CCDC171: variants seen among roughly 807,000 people sequenced by gnomAD.
The protein encoded by CCDC171 is coiled-coil domain containing 171.
Under a neutral mutation model 168.2 loss-of-function variants are expected in CCDC171, and 177 were observed. The observed-to-expected ratio is 1.05, with a 90% CI of 0.93 to 1.19. The LOEUF (loss-of-function observed/expected upper bound fraction) is 1.19. Ranked by LOEUF, CCDC171 falls within the 50% of genes most tolerant of loss-of-function variation. The pLI, the probability that CCDC171 is intolerant of heterozygous loss-of-function variation, is 0.00. For synonymous variants in CCDC171, 687 were observed against 540.8 expected, an observed-to-expected ratio of 1.27 and a Z score of -3.75; for missense variants, 1,991 against 1,539.0, an observed-to-expected ratio of 1.29 and a Z score of -4.91.
At chr9:15,991,974 A>G (rs1481237898) in intron 3 of CCDC171, among the ~76,000 whole-genome samples, 2 of 152,210 alleles carry the variant, frequency 1.3e-5, no homozygotes, top group Non-Finnish European at 2.9e-5. Context: ...GATCAGGTGG[A>G]TTCACATCCA....
the CCDC171 span, among the ~76,000 whole-genome samples, chr9:16,107,411 C>A: frequency 6.6e-6 from 1 of 152,068 alleles, no homozygotes; most frequent in Non-Finnish European, 1.5e-5. Flanking sequence ...TTCTTTTATC[C>A]CCAAGAACAA....
chr9:15,867,443 A>G (rs139051058), intron 23 of CCDC171, among the ~76,000 whole-genome samples: 1,879 of 152,104 alleles, frequency 0.012, 40 homozygotes, highest in African/African-American at 0.041. Context: ...TGGCTTGTCA[A>G]TGACTCTCTA....
rs145619110 is a variant in CCDC171, at chr9:15,804,409, A to G, written c.3267+19715A>G. On this transcript the variant is annotated intron_variant, in intron 21 of 25. Coordinates refer to ENST00000380701, the MANE Select transcript of CCDC171 (RefSeq NM_173550.4). ...TCATTATTTGAGGTATGTTCCTTCA[A>G]TACCTAGTTTATTGATCTTTAACAT... is the stretch of plus-strand genomic sequence containing the variant. Among the ~76,000 whole-genome samples, 5 of 150,820 alleles carry G rather than the reference A, an allele frequency of 3.3e-5. No individual in the cohort carries two copies. In the South Asian group the frequency reaches 6.3e-4, roughly 19 times the overall value.
intron 23 of CCDC171, among the ~76,000 whole-genome samples, chr9:15,858,897 G>T (rs1275710234): frequency 6.6e-6 from 1 of 151,928 alleles, no homozygotes; most frequent in African/African-American, 2.4e-5. Context: ...GCCAAATCAC[G>T]CTTGCTAGGA....
chr9:15,692,596 C>G (rs1281554082), intron 10 of CCDC171, among the ~76,000 whole-genome samples: 2 of 149,508 alleles, frequency 1.3e-5, no homozygotes, highest in Non-Finnish European at 3.0e-5. Context: ...GGCGCGATGT[C>G]GGCTCACTGC....
intron 25 of CCDC171, among the ~76,000 whole-genome samples, chr9:15,944,134 T>G (rs1204826154): frequency 6.6e-6 from 1 of 152,052 alleles, no homozygotes; most frequent in Non-Finnish European, 1.5e-5. Flanking sequence ...CAGGTTTTTT[T>G]GTGATAAACG....
At chr9:16,012,303 A>G (rs1416654228) in intron 3 of CCDC171, among the ~76,000 whole-genome samples, 1 of 152,176 alleles carries the variant, frequency 6.6e-6, no homozygotes, top group African/African-American at 2.4e-5. Flanking sequence ...GAAGTTGTGT[A>G]GGGATCTATC....
chr9:15,958,668 A>G (rs1180863262), intron 25 of CCDC171, among the ~76,000 whole-genome samples: 4 of 151,926 alleles, frequency 2.6e-5, no homozygotes, highest in African/African-American at 9.7e-5. Context: ...TTCTAAATAG[A>G]AAGGGCAGCA....
chr9:16,080,870 T>G, the CCDC171 span, among the ~76,000 whole-genome samples: 47 of 152,320 alleles, frequency 3.1e-4, no homozygotes, highest in South Asian at 8.5e-3. Context: ...TCTCTGACCA[T>G]AGTCAGTAGT....
chr9:16,058,054 AT>A (rs113559025), intron 1 of CCDC171, among the ~76,000 whole-genome samples: 8,991 of 146,896 alleles, frequency 0.061, 434 homozygotes, highest in African/African-American at 0.14. Context: ...AAAAAAAAAA[AT>A]AATAATAATA....
At chr9:15,895,547 A>G (rs1009217688) in intron 24 of CCDC171, among the ~76,000 whole-genome samples, 3 of 152,096 alleles carry the variant, frequency 2.0e-5, no homozygotes, top group Non-Finnish European at 4.4e-5. Context: ...TGTCTTATCT[A>G]TATGTCAATA....
At chr9:15,701,715 C>T (rs6474950) in intron 11 of CCDC171, among the ~76,000 whole-genome samples, 6,965 of 151,938 alleles carry the variant, frequency 0.046, 342 homozygotes, top group South Asian at 0.13. Flanking sequence ...TTGTCTCAGA[C>T]TCTGCTGCTG....
intron 24 of CCDC171, among the ~76,000 whole-genome samples, chr9:15,880,869 A>G (rs1022824983): frequency 6.6e-6 from 1 of 152,214 alleles, no homozygotes; most frequent in African/African-American, 2.4e-5. Flanking sequence ...ACCTTCTTCA[A>G]AGGTTTGTAA....
At chr9:15,826,074 A>G (rs1405602118) in intron 21 of CCDC171, among the ~76,000 whole-genome samples, 2 of 151,614 alleles carry the variant, frequency 1.3e-5, no homozygotes, top group Admixed American at 6.6e-5. Context: ...TTCTTATTTT[A>G]TATTCTCGTA....
chr9:15,763,667 A>G (rs974494154), intron 18 of CCDC171, among the ~76,000 whole-genome samples: 1 of 152,150 alleles, frequency 6.6e-6, no homozygotes, highest in Non-Finnish European at 1.5e-5. Flanking sequence ...TACCCATACA[A>G]TATATATTCT....
intron 7 of CCDC171, among the ~76,000 whole-genome samples, chr9:15,651,451 A>G (rs898336371): frequency 1.3e-5 from 2 of 150,340 alleles, no homozygotes; most frequent in Non-Finnish European, 1.5e-5. Flanking sequence ...TCACTTTTTT[A>G]TAGAGATTTT....
chr9:15,681,031 AT>A (rs1564199644), intron 10 of CCDC171, among the ~76,000 whole-genome samples: 1 of 152,132 alleles, frequency 6.6e-6, no homozygotes. Flanking sequence ...TGATTAAAAA[AT>A]TTTACTTGGT....
At chr9:15,778,123 C>T (rs2057434535) in intron 19 of CCDC171, among the ~76,000 whole-genome samples, 9 of 149,058 alleles carry the variant, frequency 6.0e-5, no homozygotes, top group Non-Finnish European at 1.5e-5. Context: ...AGGTGAAACC[C>T]CGTCTCTACT....
chr9:16,063,247 G>T (rs1009736836), downstream of CCDC171, among the ~76,000 whole-genome samples: 1 of 152,188 alleles, frequency 6.6e-6, no homozygotes, highest in Non-Finnish European at 1.5e-5. Flanking sequence ...ACCATGTACA[G>T]GGACTCCAGA....
Sources: gnomAD v4.1 joint callset for allele counts (sites outside exome capture counted in the v4.1 genomes callset) on GRCh38, gnomAD v4.1.1 for gene constraint, MANE v1.5 for transcripts, NCBI Gene and HGNC (gene_info 2026-07-23, HGNC 2026-07-21) for gene names.